The following ADGRL3 variants were observed in gnomAD, a reference collection of about 807,000 sequenced individuals.
The protein encoded by ADGRL3 is adhesion G protein-coupled receptor L3.
In ADGRL3, 62 loss-of-function variants were observed where a neutral mutation model predicts 153.5. That is an observed-to-expected ratio of 0.40 (90% CI 0.33 to 0.50). The LOEUF (loss-of-function observed/expected upper bound fraction) is 0.50. ADGRL3 is among the 20% of genes least tolerant of loss of function. The pLI, the probability that ADGRL3 is intolerant of heterozygous loss-of-function variation, is 0.47. For missense variants in ADGRL3, 1,641 were observed against 1,859.4 expected, an observed-to-expected ratio of 0.88 and a Z score of 2.16; for synonymous variants, 710 against 672.5, an observed-to-expected ratio of 1.06 and a Z score of -0.86.
At chr4:61,428,999 C>T (rs2097323054) in intron 2 of ADGRL3, among the ~76,000 whole-genome samples, 2 of 151,668 alleles carry the variant, frequency 1.3e-5, no homozygotes, top group Admixed American at 1.3e-4. Flanking sequence ...TGAAAAAAAG[C>T]ATTTTTCATT....
chr4:61,677,217 T>C (rs2095224342), intron 6 of ADGRL3: 1 of 336,096 alleles, frequency 3.0e-6, no homozygotes, highest in Admixed American at 4.3e-5. Flanking sequence ...TAGAAAAAGG[T>C]TGGGGGAGTG....
intron 1 of ADGRL3, among the ~76,000 whole-genome samples, chr4:61,303,930 A>G (rs2094675423): frequency 6.6e-6 from 1 of 152,236 alleles, no homozygotes; most frequent in South Asian, 2.1e-4. Context: ...ACATTTAAAT[A>G]CAACCCAGAA....
intron 1 of ADGRL3, among the ~76,000 whole-genome samples, chr4:61,236,033 T>G (rs1752712946): frequency 8.4e-6 from 1 of 119,150 alleles, no homozygotes; most frequent in African/African-American, 3.1e-5. Context: ...TTTTTGAGAT[T>G]GAGTTGTGCT....
intron 6 of ADGRL3, among the ~76,000 whole-genome samples, chr4:61,685,435 G>A (rs2095424869): frequency 6.6e-6 from 1 of 152,056 alleles, no homozygotes; most frequent in Admixed American, 6.6e-5. Flanking sequence ...CATGGTAAAA[G>A]AGAAGACAAT....
intron 5 of ADGRL3, among the ~76,000 whole-genome samples, chr4:61,625,966 T>C (rs956595633): frequency 6.6e-6 from 1 of 152,100 alleles, no homozygotes; most frequent in Non-Finnish European, 1.5e-5. Flanking sequence ...TGCAAGTGTG[T>C]AACTATTAAG....
intron 14 of ADGRL3, among the ~76,000 whole-genome samples, chr4:61,935,653 G>A (rs2098835349): frequency 6.6e-6 from 1 of 151,982 alleles, no homozygotes; most frequent in South Asian, 2.1e-4. Flanking sequence ...TGAAACTTAA[G>A]ACCAATGACA....
At chr4:61,434,162 A>G (rs1184172193) in intron 2 of ADGRL3, among the ~76,000 whole-genome samples, 1 of 152,104 alleles carries the variant, frequency 6.6e-6, no homozygotes, top group Non-Finnish European at 1.5e-5. Context: ...GGCTCACATT[A>G]GATATTGACA....
chr4:61,224,652 A>G (rs1299634608), intron 1 of ADGRL3, among the ~76,000 whole-genome samples: 3 of 152,218 alleles, frequency 2.0e-5, no homozygotes, highest in Admixed American at 6.5e-5. Context: ...TGAACACACA[A>G]CTGCTTGCTT....
chr4:61,940,075 C>T (rs1325982752), intron 15 of ADGRL3, among the ~76,000 whole-genome samples: 2 of 110,146 alleles, frequency 1.8e-5, no homozygotes, highest in Admixed American at 9.9e-5. Context: ...TGCTATCCCT[C>T]CCCCCTCCCC....
intron 6 of ADGRL3, among the ~76,000 whole-genome samples, chr4:61,686,486 A>G (rs986035861): frequency 2.6e-5 from 4 of 152,132 alleles, no homozygotes; most frequent in African/African-American, 9.7e-5. Flanking sequence ...TCATTCAAAT[A>G]CTTATTTATT....
chr4:61,688,420 C>G (rs985069541), intron 6 of ADGRL3, among the ~76,000 whole-genome samples: 12 of 151,998 alleles, frequency 7.9e-5, no homozygotes, highest in Admixed American at 7.2e-4. Flanking sequence ...TAGCTGTGTT[C>G]TAATCAAGTT....
intron 5 of ADGRL3, among the ~76,000 whole-genome samples, chr4:61,600,507 A>G (rs1347809890): frequency 6.6e-6 from 1 of 152,110 alleles, no homozygotes; most frequent in African/African-American, 2.4e-5. Context: ...TGAAATCTTT[A>G]CAATAGGCTT....
chr4:62,052,510 G>A (rs28711154), intron 25 of ADGRL3, among the ~76,000 whole-genome samples: 3,994 of 151,322 alleles, frequency 0.026, 182 homozygotes, highest in African/African-American at 0.093. Context: ...AGATTGGCAA[G>A]CCACATATTA....
chr4:61,301,882 A>G (rs2094589495), intron 1 of ADGRL3, among the ~76,000 whole-genome samples: 1 of 152,214 alleles, frequency 6.6e-6, no homozygotes, highest in Non-Finnish European at 1.5e-5. Context: ...CTATTACCAG[A>G]GCTTAAAAAG....
intron 13 of ADGRL3, among the ~76,000 whole-genome samples, chr4:61,916,408 A>G (rs1272604566): frequency 6.6e-6 from 1 of 152,156 alleles, no homozygotes; most frequent in African/African-American, 2.4e-5. Flanking sequence ...GCCAAGGTAG[A>G]AGGATTTTTT....
At position 62,070,803 on chromosome 4, in the gene ADGRL3, G is replaced by A; in HGVS notation, c.4527G>A (p.Gln1509=). The A allele has an allele frequency of 6.4e-7, 1 of 1,551,650 alleles. No homozygotes were observed. Among genetic ancestry groups the A allele is most frequent in the Non-Finnish European group, 8.7e-7 (1 of 1,146,978 alleles). ...TCCATCAGCTGCATACTTACTACCA[G>A]CTAGGTCGCGGCAGCAGTGATGGAT... is the stretch of plus-strand genomic sequence containing the variant. ...NHVHQLHTYY[Q]LGRGSSDGFI... Residue 1509 remains glutamine (Q), a synonymous_variant, in exon 27 of 27, where the codon CAG becomes CAA. Transcript: ENST00000683033.
intron 6 of ADGRL3, among the ~76,000 whole-genome samples, chr4:61,693,534 GTAATT>G (rs1007406450): frequency 1.6e-4 from 24 of 152,222 alleles, no homozygotes; most frequent in African/African-American, 5.8e-4. Context: ...TCACATCAGA[GTAATT>G]TGATTTTAAG....
intron 5 of ADGRL3, among the ~76,000 whole-genome samples, chr4:61,602,673 G>T (rs2099016801): frequency 6.6e-6 from 1 of 152,110 alleles, no homozygotes; most frequent in South Asian, 2.1e-4. Context: ...AGGTCAGTCT[G>T]CAGGTTCTTG....
chr4:61,315,058 G>A (rs1459532060), intron 1 of ADGRL3, among the ~76,000 whole-genome samples: 2 of 152,174 alleles, frequency 1.3e-5, no homozygotes, highest in Non-Finnish European at 2.9e-5. Context: ...GGTTATGAAA[G>A]AAGGCTACCT....
Sources: allele counts gnomAD v4.1 joint callset (sites outside exome capture counted in the v4.1 genomes callset), GRCh38; gene constraint gnomAD v4.1.1; transcripts MANE v1.5; gene names NCBI Gene and HGNC (gene_info 2026-07-23, HGNC 2026-07-21).